The following LMBRD2 variants were observed in gnomAD, a reference collection of about 807,000 sequenced individuals.
LMBRD2 encodes LMBR1 domain containing 2, also known as G protein-coupled receptor-associated protein LMBRD2.
LMBRD2 carries 55 observed loss-of-function variants against 94.4 expected under a neutral mutation model. That is an observed-to-expected ratio of 0.58 (90% CI 0.47 to 0.73). The LOEUF is 0.73. LMBRD2 is among the 30% of genes least tolerant of loss of function. The pLI is 0.00. For synonymous variants in LMBRD2, 246 were observed against 272.4 expected (o/e 0.90, Z 0.95); for missense variants, 640 against 831.9 (o/e 0.77, Z 2.84).
intron 1 of LMBRD2, among the ~76,000 whole-genome samples, chr5:36,146,674 G>A (rs1744548639): frequency 6.6e-6 from 1 of 152,126 alleles, no homozygotes; most frequent in Non-Finnish European, 1.5e-5. Context: ...ACCTAGCCAA[G>A]CCAAAACTCA....
chr5:36,150,739 T>C (rs1389611918), intron 1 of LMBRD2, among the ~76,000 whole-genome samples: 1 of 152,202 alleles, frequency 6.6e-6, no homozygotes, highest in African/African-American at 2.4e-5. Context: ...ACAGATCCCT[T>C]CTTTACACCA....
chr5:36,129,299 T>C (rs1490641746), intron 6 of LMBRD2, among the ~76,000 whole-genome samples: 1 of 151,864 alleles, frequency 6.6e-6, no homozygotes, highest in Non-Finnish European at 1.5e-5. Flanking sequence ...TAAGACTATC[T>C]CAAGACATTT....
rs1744436730 is a variant in LMBRD2, at chr5:36,142,564, A to C, written c.210T>G (p.Asn70Lys). 6.2e-7 allele frequency: 1 copy of C among 1,611,556 alleles called. No individual in the cohort carries two copies. The highest frequency in any genetic ancestry group is 8.5e-7 in the Non-Finnish European group (1 of 1,177,808). Residue 70 changes from asparagine to lysine, a missense_variant, in exon 3 of 18, where the codon AAT becomes AAG. Around this residue, in one of 2 missense-constraint regions of LMBRD2, gnomAD observed 457 missense variants for 642.8 expected, o/e 0.71. Coordinates refer to ENST00000296603, the MANE Select transcript of LMBRD2 (RefSeq NM_001007527.2). The part of the protein sequence containing the change: ...IYNRCKHAAA[N>K]SSPPENSNIT... ...TGTTGCTATTCTCAGGAGGGCTTGAATTTGCAGCAGCATGCTTGCACCGGT... is the reference window on the plus strand; with the variant it reads ...TGTTGCTATTCTCAGGAGGGCTTGACTTTGCAGCAGCATGCTTGCACCGGT...
In LMBRD2 at chr5:36,122,518, A is replaced by G. The variant is rs773894102; in HGVS notation, c.937-55T>C. ...AGTGTTCTGATCCAACAGTGGTTCA[A>G]CTCTCCACTAGGGAGCATGTTTGGA... On this transcript the variant is annotated intron_variant, in intron 8 of 17. Coordinates refer to ENST00000296603, the MANE Select transcript of LMBRD2 (RefSeq NM_001007527.2). 16 of 1,400,888 alleles carry G rather than the reference A, an allele frequency of 1.1e-5. No individual in the cohort carries two copies. In the South Asian group the frequency reaches 1.6e-4, roughly 14 times the overall value. The allele number at this position is 1,400,888 out of a possible 1,614,324, so 86.8% of individuals were successfully genotyped here.
At position 36,141,041 on chromosome 5, in the gene LMBRD2, T is replaced by C. The variant is rs112950590; in HGVS notation, c.368+66A>G. The C allele has an allele frequency of 1.0e-4, 87 of 842,444 alleles. No homozygotes were observed. In the East Asian group the frequency reaches 1.4e-3, roughly 13 times the overall value. The allele number at this position is 842,444 out of a possible 1,614,324, so 52.2% of individuals were successfully genotyped here. ...ACACATAAATAAATTCCAAACTATA[T>C]TGATTGAAAAACATTTTATTCCTTT... On this transcript the variant is annotated intron_variant, in intron 4 of 17. Transcript: ENST00000296603.
chr5:36,118,638 T>C (rs193007233), intron 9 of LMBRD2, among the ~76,000 whole-genome samples: 72 of 149,314 alleles, frequency 4.8e-4, no homozygotes, highest in African/African-American at 1.7e-3. Flanking sequence ...GAATATTTTG[T>C]ACTGTTTTGG....
At position 36,140,892 on chromosome 5, in the gene LMBRD2, C is replaced by T. The variant is rs376670040; in HGVS notation, c.368+215G>A. ...AATTTTTCTCTTGCAATGTTCAGTGCCTCCAGTTTTAGAGTGCAGTTGTTT... is the reference window on the plus strand; with the variant it reads ...AATTTTTCTCTTGCAATGTTCAGTGTCTCCAGTTTTAGAGTGCAGTTGTTT... On this transcript the variant is annotated intron_variant, in intron 4 of 17. Transcript: ENST00000296603. The T allele has an allele frequency of 5.6e-5, 20 of 359,222 alleles. 1 individual carries two copies. In the East Asian group the frequency reaches 8.1e-4, roughly 15 times the overall value. 22.3% of individuals were successfully genotyped at this position (359,222 alleles called of 1,614,324 possible).
chr5:36,118,474 T>A (rs1446834696), intron 9 of LMBRD2, among the ~76,000 whole-genome samples: 1 of 152,186 alleles, frequency 6.6e-6, no homozygotes, highest in Non-Finnish European at 1.5e-5. Context: ...AGAAAATATC[T>A]TTATTTTTAG....
At chr5:36,105,867 G>C (rs1743454473) in intron 16 of LMBRD2, among the ~76,000 whole-genome samples, 1 of 152,270 alleles carries the variant, frequency 6.6e-6, no homozygotes, top group East Asian at 1.9e-4. Context: ...TATGTGGATA[G>C]GGATTTCTAT....
In LMBRD2 at chr5:36,132,117, A is replaced by G. The variant is rs937200557; in HGVS notation, c.747+4192T>C. Among the ~76,000 whole-genome samples, 3 of 152,000 alleles carry G rather than the reference A, an allele frequency of 2.0e-5. No homozygotes were observed. In the East Asian group the frequency reaches 5.8e-4, roughly 29 times the overall value. Reference sequence around the variant, plus strand: ...CATGGTGTTAGGATAAAAACAGACCAATGGTACAGAATAGAGAACTCCAAA... The same window carrying G: ...CATGGTGTTAGGATAAAAACAGACCGATGGTACAGAATAGAGAACTCCAAA... On this transcript the variant is annotated intron_variant, in intron 6 of 17. Coordinates refer to ENST00000296603, the MANE Select transcript of LMBRD2 (RefSeq NM_001007527.2).
intron 9 of LMBRD2, among the ~76,000 whole-genome samples, chr5:36,118,539 CTA>C (rs1743813056): frequency 6.6e-6 from 1 of 151,464 alleles, no homozygotes; most frequent in South Asian, 2.1e-4. Context: ...GGATACAACT[CTA>C]AAATAGTAAT....
At position 36,102,410 on chromosome 5, in the gene LMBRD2, A is replaced by G. The variant is rs1292999122; in HGVS notation, c.*1636T>C. On this transcript the variant is annotated 3_prime_UTR_variant, in exon 18 of 18. Transcript: ENST00000296603. The stretch of plus-strand genomic sequence containing the variant: ...ATCATTAAATTACAAAGAGGATCAA[A>G]TTATCTCTGCTCCTGGCTTATTGCT... 1 of 151,808 alleles carries G rather than the reference A, an allele frequency of 6.6e-6. No homozygotes were observed. Among genetic ancestry groups the G allele is most frequent in the African/African-American group, 2.4e-5 (1 of 41,388 alleles). 9.4% of individuals were successfully genotyped at this position (151,808 alleles called of 1,614,324 possible).
Position 36,105,168 on chromosome 5 carries a change from T to A in LMBRD2, c.1927A>T (p.Arg643Trp). Residue 643 changes from arginine (R) to tryptophan (W), a missense_variant, in exon 17 of 18, where the codon AGG becomes TGG. Physicochemically the swap from Arg to Trp is moderately radical, Grantham distance 101 (BLOSUM62 -3). Transcript: ENST00000296603. ...SAFKYTRANN[R>W]TERDRIELLQ... ...AGTTCTATCCGGTCCCTTTCAGTCC[T>A]GTTATTAGCCCTGGTATATTTGAAT... 6.2e-7 allele frequency: 1 copy of A among 1,612,642 alleles called. No individual in the cohort carries two copies.
At position 36,103,925 on chromosome 5, in the gene LMBRD2, CT is replaced by C; in HGVS notation, c.*120del. On this transcript the variant is annotated 3_prime_UTR_variant, in exon 18 of 18. Coordinates refer to ENST00000296603, the MANE Select transcript of LMBRD2 (RefSeq NM_001007527.2). ...CTAAGATATAATTAATTCTCAGTGC[CT>C]TTTTTGTTATCTTGACACTTTTCAC... 1.1e-5 allele frequency: 7 copies of C among 654,936 alleles called. No individual in the cohort carries two copies. Among genetic ancestry groups the C allele is most frequent in the South Asian group, 1.9e-5 (1 of 52,544 alleles). The allele number at this position is 654,936 out of a possible 1,614,324, so 40.6% of individuals were successfully genotyped here.
chr5:36,113,952 T>G (rs1339695701), intron 13 of LMBRD2, among the ~76,000 whole-genome samples: 1 of 152,186 alleles, frequency 6.6e-6, no homozygotes, highest in Admixed American at 6.5e-5. Flanking sequence ...CCTCTAATCT[T>G]AATGTACAGC....
chr5:36,132,388 T>C (rs771330582), intron 6 of LMBRD2, among the ~76,000 whole-genome samples: 1 of 141,730 alleles, frequency 7.1e-6, no homozygotes, highest in Non-Finnish European at 1.5e-5. Flanking sequence ...CTCTCCAGGA[T>C]ATTGGACTGG....
chr5:36,127,901 G>A (rs1243269663), intron 6 of LMBRD2, among the ~76,000 whole-genome samples: 1 of 152,218 alleles, frequency 6.6e-6, no homozygotes, highest in East Asian at 1.9e-4. Flanking sequence ...AGGGCCTTGA[G>A]CAAACATAGA....
At chr5:36,116,871 T>G (rs1239530835) in intron 10 of LMBRD2, among the ~76,000 whole-genome samples, 5 of 151,916 alleles carry the variant, frequency 3.3e-5, no homozygotes, top group African/African-American at 1.2e-4. Flanking sequence ...AGATGGGGTT[T>G]CACCATGTTT....
chr5:36,131,025 C>A (rs945409960), intron 6 of LMBRD2, among the ~76,000 whole-genome samples: 3 of 151,980 alleles, frequency 2.0e-5, no homozygotes, highest in African/African-American at 7.2e-5. Context: ...CAGAAACAGA[C>A]ACATCAAAAA....
Sources: gnomAD v4.1 joint callset for allele counts (sites outside exome capture counted in the v4.1 genomes callset) on GRCh38, gnomAD v4.1.1 for gene constraint, gnomAD v4.1.1 regional missense constraint, MANE v1.5 for transcripts, NCBI Gene and HGNC (gene_info 2026-07-23, HGNC 2026-07-21) for gene names.